IKBKB: variants seen among roughly 807,000 people sequenced by gnomAD.
The protein encoded by IKBKB is inhibitor of nuclear factor kappa B kinase subunit beta, also known as inhibitor of nuclear factor kappa-B kinase subunit beta.
Under a neutral mutation model 113.6 loss-of-function variants are expected in IKBKB, and 42 were observed. The observed-to-expected ratio is 0.37, with a 90% CI of 0.29 to 0.48. The LOEUF (loss-of-function observed/expected upper bound fraction) is 0.48. IKBKB is among the 20% of genes least tolerant of loss of function. IKBKB has a pLI of 0.99. For missense variants in IKBKB, 673 were observed against 939.7 expected, an observed-to-expected ratio of 0.72 and a Z score of 3.71; for synonymous variants, 296 against 361.3, an observed-to-expected ratio of 0.82 and a Z score of 2.05.
chr8:42,290,381 G>T (rs954978670), intron 4 of IKBKB, 108 bp downstream of exon 4: 1 of 767,990 alleles, frequency 1.3e-6, no homozygotes, highest in East Asian at 2.6e-5. Context: ...AGCTTGGGGA[G>T]CCCCAGTGAC....
intron 2 of IKBKB, among the ~76,000 whole-genome samples, chr8:42,272,673 C>T (rs548092022): frequency 2.0e-5 from 3 of 152,092 alleles, no homozygotes; most frequent in Non-Finnish European, 4.4e-5. Flanking sequence ...GGCGTGGTGG[C>T]TTATACCTGT....
intron 18 of IKBKB, 33 bp downstream of exon 18, chr8:42,322,186 G>C: frequency 6.3e-7 from 1 of 1,589,322 alleles, no homozygotes; most frequent in Non-Finnish European, 8.6e-7. Context: ...TCTGGAGGAA[G>C]GACTGGGAGA....
Position 42,331,308 on chromosome 8 carries a change from G to A in IKBKB, c.*329G>A, listed in dbSNP as rs1473007638. On this transcript the variant is annotated 3_prime_UTR_variant, in exon 22 of 22. Transcript: ENST00000520810. Reference sequence around the variant, plus strand: ...TCGCTGGCCCCACAAACGTTCAGGGGTACAGCCATGGCAGCTCCTTCCTCT... The same window carrying A: ...TCGCTGGCCCCACAAACGTTCAGGGATACAGCCATGGCAGCTCCTTCCTCT... 3 of 702,374 alleles carry A rather than the reference G, an allele frequency of 4.3e-6. No individual in the cohort carries two copies. Among genetic ancestry groups the A allele is most frequent in the East Asian group, 2.7e-5 (1 of 37,302 alleles). The allele number at this position is 702,374 out of a possible 1,614,324, so 43.5% of individuals were successfully genotyped here. A position where few individuals can be genotyped will look rare whatever the true frequency, so the allele number is the denominator to read the frequency against.
chr8:42,329,110 A>T lies in IKBKB; in HGVS notation c.2115-14A>T. 6.3e-7 allele frequency: 1 copy of T among 1,597,808 alleles called. No homozygotes were observed. The highest frequency in any genetic ancestry group is 1.1e-5 in the South Asian group (1 of 88,268). ...ATAATGACCACTTTCTAATAATTTG[A>T]TCATTTTCTTTAGTGAAGAACTGGT... On this transcript the variant is annotated splice_polypyrimidine_tract_variant and intron_variant, in intron 20 of 21. Coordinates refer to ENST00000520810, the MANE Select transcript of IKBKB (RefSeq NM_001556.3).
At chr8:42,278,433 G>C (rs1809642404) in intron 2 of IKBKB, among the ~76,000 whole-genome samples, 1 of 152,208 alleles carries the variant, frequency 6.6e-6, no homozygotes, top group Non-Finnish European at 1.5e-5. Context: ...CCAAGCAGTG[G>C]GCAGCGTGCT....
Position 42,316,572 on chromosome 8 carries a change from T to G in IKBKB, c.931-138T>G. The G allele has an allele frequency of 1.1e-6, 1 of 919,980 alleles. No homozygotes were observed. Among genetic ancestry groups the G allele is most frequent in the Non-Finnish European group, 1.6e-6 (1 of 617,592 alleles). 57.0% of individuals were successfully genotyped at this position (919,980 alleles called of 1,614,324 possible). On this transcript the variant is annotated intron_variant, in intron 10 of 21. Transcript: ENST00000520810. The surrounding 1 kb of genome is among the most constrained non-coding windows in gnomAD (Gnocchi z 4.5). ...ATGCAAATATGCGAAACATGGCACATGACCTCCCTCCCTCAAGCTAGGCCC... is the reference window on the plus strand; with the variant it reads ...ATGCAAATATGCGAAACATGGCACAGGACCTCCCTCCCTCAAGCTAGGCCC...
At chr8:42,284,891 CTG>C (rs1487258510) in intron 2 of IKBKB, among the ~76,000 whole-genome samples, 2 of 138,648 alleles carry the variant, frequency 1.4e-5, no homozygotes, top group African/African-American at 5.2e-5. Flanking sequence ...GAGTCTCACT[CTG>C]TCACCCAGGC....
At chr8:42,296,216 G>C (rs567228648) in intron 5 of IKBKB, among the ~76,000 whole-genome samples, 16 of 152,236 alleles carry the variant, frequency 1.1e-4, no homozygotes, top group Non-Finnish European at 1.9e-4. Flanking sequence ...TCAAATGAGA[G>C]CTGGATGCGG....
intron 2 of IKBKB, among the ~76,000 whole-genome samples, chr8:42,280,846 T>G (rs1249304940): frequency 6.6e-6 from 1 of 152,134 alleles, no homozygotes; most frequent in Non-Finnish European, 1.5e-5. Flanking sequence ...CTTGTCCCTT[T>G]ATGGGACAAG....
chr8:42,302,766 A>G (rs1290989567), intron 5 of IKBKB, among the ~76,000 whole-genome samples: 1 of 88,316 alleles, frequency 1.1e-5, no homozygotes, highest in Non-Finnish European at 1.8e-5. Context: ...TCCAAAATCC[A>G]AAAAAAAAAA....
intron 21 of IKBKB, chr8:42,330,222 A>G: frequency 1.0e-6 from 1 of 985,460 alleles, no homozygotes. Flanking sequence ...ACAGTCACAG[A>G]ATCTCAAGGA....
chr8:42,277,372 G>A (rs187842807), intron 2 of IKBKB, among the ~76,000 whole-genome samples: 2 of 151,834 alleles, frequency 1.3e-5, no homozygotes, highest in African/African-American at 4.8e-5. Flanking sequence ...TAGTAGACAC[G>A]GGGTTTCACC....
At chr8:42,297,258 G>A (rs994236040) in intron 5 of IKBKB, among the ~76,000 whole-genome samples, 2 of 152,218 alleles carry the variant, frequency 1.3e-5, no homozygotes, top group African/African-American at 4.8e-5. Flanking sequence ...TCTGGTGACT[G>A]AGCCGGAGTT....
intron 15 of IKBKB, chr8:42,320,451 T>G: frequency 2.9e-6 from 1 of 349,214 alleles, no homozygotes; most frequent in East Asian, 7.5e-5. Context: ...CTTTAAGTAC[T>G]TCATCTTACT....
intron 2 of IKBKB, chr8:42,272,434 A>C: frequency 1.6e-6 from 1 of 610,006 alleles, no homozygotes; most frequent in Non-Finnish European, 2.9e-6. Context: ...AATAAAGTTA[A>C]GCTCTTAGTC....
At chr8:42,322,292 G>A (rs1819922831) in intron 18 of IKBKB, 55 bp from the exon 19 acceptor site, 3 of 1,609,834 alleles carry the variant, frequency 1.9e-6, no homozygotes, top group Non-Finnish European at 2.5e-6. Context: ...AGCTGCCACA[G>A]GTTCTGCTTT....
intron 20 of IKBKB, 93 bp from the exon 21 acceptor site, chr8:42,329,031 A>G: frequency 1.0e-6 from 1 of 953,636 alleles, no homozygotes; most frequent in Non-Finnish European, 1.6e-6. Context: ...TTTAAAAAGT[A>G]TTATCAAAAC....
chr8:42,275,015 T>C (rs913162844), intron 2 of IKBKB, among the ~76,000 whole-genome samples: 1 of 151,602 alleles, frequency 6.6e-6, no homozygotes, highest in African/African-American at 2.4e-5. Flanking sequence ...TAGCTGGGAT[T>C]ATAGCCGTGC....
At chr8:42,299,329 C>T (rs1319842473) in intron 5 of IKBKB, among the ~76,000 whole-genome samples, 1 of 152,180 alleles carries the variant, frequency 6.6e-6, no homozygotes, top group African/African-American at 2.4e-5. Flanking sequence ...TCCTCCCTGG[C>T]CTCCTTAACC....
Sources: gnomAD v4.1 joint callset for allele counts (sites outside exome capture counted in the v4.1 genomes callset) on GRCh38, gnomAD v4.1.1 for gene constraint, Gnocchi (gnomAD v3.1) non-coding constraint, MANE v1.5 for transcripts, NCBI Gene and HGNC (gene_info 2026-07-23, HGNC 2026-07-21) for gene names.